The following TMEM59 variants were observed in gnomAD, a reference collection of about 807,000 sequenced individuals.
The protein encoded by TMEM59 is dendritic cell factor 1.
In TMEM59, 44 loss-of-function variants were observed where a neutral mutation model predicts 42.2. The ratio of observed to expected loss-of-function variants is 1.04; its 90% CI spans 0.82 to 1.34. TMEM59 has a LOEUF of 1.34. Ranked by LOEUF, TMEM59 falls within the 40% of genes most tolerant of loss-of-function variation. The pLI is 0.00. For missense variants in TMEM59, 359 were observed against 382.8 expected, an observed-to-expected ratio of 0.94 and a Z score of 0.52; for synonymous variants, 148 against 145.8, an observed-to-expected ratio of 1.02 and a Z score of -0.11.
In TMEM59 at chr1:54,029,901, T is replaced by C. The variant is rs1275453423; in HGVS notation, c.*2249A>G. The stretch of plus-strand genomic sequence containing the variant: ...TGCTGATGATACTCAAATGCAAACA[T>C]CAGTCTGGCTTAATTATGCTAAAAA... On this transcript the variant is annotated 3_prime_UTR_variant, in exon 8 of 8. Transcript: ENST00000234831. The C allele has an allele frequency of 6.6e-6, 1 of 152,160 alleles. No homozygotes were observed. The highest frequency in any genetic ancestry group is 1.5e-5 in the Non-Finnish European group (1 of 68,028). 9.4% of individuals were successfully genotyped at this position (152,160 alleles called of 1,614,324 possible). A position where few individuals can be genotyped will look rare whatever the true frequency, so the allele number is the denominator to read the frequency against.
chr1:54,032,076 G>A lies in TMEM59; in HGVS notation c.*74C>T. On this transcript the variant is annotated 3_prime_UTR_variant, in exon 8 of 8. Transcript: ENST00000234831. ...TGATTTCTTAAGGCCTATATCCAAT[G>A]AAACCATTTTAAAAGCTCTATGAGG... 1 of 1,405,988 alleles carries A rather than the reference G, an allele frequency of 7.1e-7. No individual in the cohort carries two copies. The highest frequency in any genetic ancestry group is 9.5e-7 in the Non-Finnish European group (1 of 1,054,056). The allele number at this position is 1,405,988 out of a possible 1,614,324, so 87.1% of individuals were successfully genotyped here. A position where few individuals can be genotyped will look rare whatever the true frequency, so the allele number is the denominator to read the frequency against.
At chr1:54,039,001 G>A (rs1185795437) in intron 6 of TMEM59, among the ~76,000 whole-genome samples, 2 of 152,086 alleles carry the variant, frequency 1.3e-5, no homozygotes, top group African/African-American at 4.8e-5. Context: ...GTGCCACCAT[G>A]TCCAGCTAAT....
In TMEM59 at chr1:54,045,393, A is replaced by C. The variant is rs186152620; in HGVS notation, c.390+299T>G. ...ATGGGAGTTGGGATGGAGAAAAAGA[A>C]CTCTGAAATAATTCCTCTGAGCCTT... On this transcript the variant is annotated intron_variant, in intron 3 of 7. Coordinates refer to ENST00000234831, the MANE Select transcript of TMEM59 (RefSeq NM_004872.5). The C allele has an allele frequency of 7.0e-5, 23 of 328,484 alleles. No individual in the cohort carries two copies. In the East Asian group the frequency reaches 8.5e-4, roughly 12 times the overall value. The allele number at this position is 328,484 out of a possible 1,614,324, so 20.3% of individuals were successfully genotyped here.
At chr1:54,039,138 G>A (rs970415796) in intron 6 of TMEM59, among the ~76,000 whole-genome samples, 3 of 152,244 alleles carry the variant, frequency 2.0e-5, no homozygotes, top group East Asian at 1.9e-4. Flanking sequence ...ATGAGCCACC[G>A]CACTCGGCCA....
chr1:54,044,508 G>GTTTTTTTTTTTTT (rs1194633123), intron 3 of TMEM59: 1 of 120,056 alleles, frequency 8.3e-6, no homozygotes, highest in Non-Finnish European at 1.7e-5. Context: ...TTTTTCATCT[G>GTTTTTTTTTTTTT]TTTTTTTTTT....
chr1:54,050,545 G>A (rs1461988388), intron 1 of TMEM59, among the ~76,000 whole-genome samples: 2 of 151,140 alleles, frequency 1.3e-5, no homozygotes, highest in Non-Finnish European at 2.9e-5. Flanking sequence ...ATAGAAATCA[G>A]TGACATAATT....
rs1170246907 is a variant in TMEM59 at position 54,029,813 on chromosome 1, CCT to C, written c.*2335_*2336del. 2.0e-5 allele frequency: 3 copies of C among 151,874 alleles called. No homozygotes were observed. Among genetic ancestry groups the C allele is most frequent in the African/African-American group, 4.8e-5 (2 of 41,338 alleles). 9.4% of individuals were successfully genotyped at this position (151,874 alleles called of 1,614,324 possible). A position where few individuals can be genotyped will look rare whatever the true frequency, so the allele number is the denominator to read the frequency against. On this transcript the variant is annotated 3_prime_UTR_variant, in exon 8 of 8. Transcript: ENST00000234831. ...TCTCAATCTTTATCACTGTACGTAC[CCT>C]GACCCTAGACTCTAGTGTAGAACAA...
chr1:54,036,240 C>G (rs373274361), intron 7 of TMEM59, among the ~76,000 whole-genome samples: 27 of 152,040 alleles, frequency 1.8e-4, no homozygotes, highest in African/African-American at 6.0e-4. Context: ...AAGATCCTGG[C>G]CACTGCACTC....
In TMEM59 at chr1:54,031,033, C is replaced by T. The variant is rs978146857; in HGVS notation, c.*1117G>A. The T allele has an allele frequency of 6.6e-6, 1 of 152,230 alleles. No individual in the cohort carries two copies. Among genetic ancestry groups the T allele is most frequent in the African/African-American group, 2.4e-5 (1 of 41,440 alleles). The allele number at this position is 152,230 out of a possible 1,614,324, so 9.4% of individuals were successfully genotyped here. ...TTGGAAGGCCTAAGTGGGTGGATCACCTGAGGTCAGGAGTTCGAGACCAGC... is the reference window on the plus strand; with the variant it reads ...TTGGAAGGCCTAAGTGGGTGGATCATCTGAGGTCAGGAGTTCGAGACCAGC... On this transcript the variant is annotated 3_prime_UTR_variant, in exon 8 of 8. Coordinates refer to ENST00000234831, the MANE Select transcript of TMEM59 (RefSeq NM_004872.5).
chr1:54,029,501 T>G lies in TMEM59; in HGVS notation c.*2649A>C, dbSNP rs1274516599. The G allele has an allele frequency of 6.6e-6, 1 of 152,098 alleles. No individual in the cohort carries two copies. The highest frequency in any genetic ancestry group is 1.5e-5 in the Non-Finnish European group (1 of 68,022). 9.4% of individuals were successfully genotyped at this position (152,098 alleles called of 1,614,324 possible). A position where few individuals can be genotyped will look rare whatever the true frequency, so the allele number is the denominator to read the frequency against. ...CTTTCTGTGTGGTAGGAAATAAGATTATGACTGTTTTATGGAAACAAGGAG... is the reference window on the plus strand; with the variant it reads ...CTTTCTGTGTGGTAGGAAATAAGATGATGACTGTTTTATGGAAACAAGGAG... On this transcript the variant is annotated 3_prime_UTR_variant, in exon 8 of 8. Coordinates refer to ENST00000234831, the MANE Select transcript of TMEM59 (RefSeq NM_004872.5).
At position 54,045,687 on chromosome 1, in the gene TMEM59, C is replaced by T. The variant is rs1165175889; in HGVS notation, c.390+5G>A. The T allele has an allele frequency of 9.9e-6, 16 of 1,613,974 alleles. No individual in the cohort carries two copies. Among genetic ancestry groups the T allele is most frequent in the East Asian group, 4.5e-5 (2 of 44,862 alleles). ...GCTAGTTTGAAAGGCAGTATTGTTT[C>T]GTACTTGTTCTTGTCTCAGTTCAGC... On this transcript the variant is annotated splice_donor_5th_base_variant and intron_variant, in intron 3 of 7. Transcript: ENST00000234831.
At chr1:54,049,039 T>C (rs953383781) in intron 1 of TMEM59, among the ~76,000 whole-genome samples, 1 of 152,202 alleles carries the variant, frequency 6.6e-6, no homozygotes, top group Non-Finnish European at 1.5e-5. Flanking sequence ...ATAAGCTCAT[T>C]AGTATGAGCT....
chr1:54,052,884 G>C (rs916080145), intron 1 of TMEM59, 116 bp downstream of exon 1: 2 of 1,164,666 alleles, frequency 1.7e-6, no homozygotes, highest in Non-Finnish European at 2.5e-6. Flanking sequence ...ACACAGATGG[G>C]AGACAGCGAT....
intron 2 of TMEM59, 47 bp from the exon 3 acceptor site, chr1:54,045,833 A>C (rs1271628167): frequency 8.6e-6 from 13 of 1,506,910 alleles, no homozygotes; most frequent in African/African-American, 1.4e-5. Context: ...AGAGAAAGGG[A>C]AAGAGGAAAG....
At chr1:54,040,722 A>G in intron 6 of TMEM59, 34 bp downstream of exon 6, 3 of 1,505,516 alleles carry the variant, frequency 2.0e-6, no homozygotes, top group Non-Finnish European at 2.7e-6. Context: ...GCCAGATTTT[A>G]TCTGTTATAC....
rs574774650 is a variant in TMEM59 at position 54,050,661 on chromosome 1, C to T, written c.189+2339G>A. ...GCAACCTCTGTCTCCCGGGTTCAGGCGCTTCTCCTGCCTCAGCCTCCTGAG... is the reference window on the plus strand; with the variant it reads ...GCAACCTCTGTCTCCCGGGTTCAGGTGCTTCTCCTGCCTCAGCCTCCTGAG... On this transcript the variant is annotated intron_variant, in intron 1 of 7. Transcript: ENST00000234831. 1.7e-3 allele frequency among the ~76,000 whole-genome samples: 261 copies of T among 151,400 alleles called. 1 individual carries two copies. The highest frequency in any genetic ancestry group is 6.8e-3 in the Middle Eastern group (2 of 294).
At position 54,047,286 on chromosome 1, in the gene TMEM59, A is replaced by T; in HGVS notation, c.276T>A (p.Thr92=). 6.2e-7 allele frequency: 1 copy of T among 1,613,680 alleles called. No individual in the cohort carries two copies. The highest frequency in any genetic ancestry group is 8.5e-7 in the Non-Finnish European group (1 of 1,179,858). Residue 92 remains threonine, a synonymous_variant, in exon 2 of 8, where the codon ACT becomes ACA. Coordinates refer to ENST00000234831, the MANE Select transcript of TMEM59 (RefSeq NM_004872.5). ...FVDDGIDLNR[T]KLECESACTE... ...TCTTACCAGATTCACATTCCAATTT[A>T]GTTCGATTTAAGTCAATTCCATCAT...
chr1:54,039,478 G>C (rs1450001495), intron 6 of TMEM59, among the ~76,000 whole-genome samples: 1 of 152,076 alleles, frequency 6.6e-6, no homozygotes, highest in East Asian at 1.9e-4. Flanking sequence ...CTCAAAACCA[G>C]GTTTAGAAAT....
In TMEM59 at chr1:54,047,427, AG is replaced by A. The variant is rs1047317078; in HGVS notation, c.190-56del. The A allele has an allele frequency of 2.2e-6, 3 of 1,388,736 alleles. No individual in the cohort carries two copies. The African/African-American group carries it at 4.3e-5, about 20-fold the overall frequency. 86.0% of individuals were successfully genotyped at this position (1,388,736 alleles called of 1,614,324 possible). ...CAAAAAATAGTATTTTTTTTTCCTC[AG>A]GGGAAAACAGGTTAGGAAGAAAGCA... On this transcript the variant is annotated intron_variant, in intron 1 of 7. Transcript: ENST00000234831.
Sources: gnomAD v4.1 joint callset for allele counts (sites outside exome capture counted in the v4.1 genomes callset) on GRCh38, gnomAD v4.1.1 for gene constraint, MANE v1.5 for transcripts, NCBI Gene and HGNC (gene_info 2026-07-23, HGNC 2026-07-21) for gene names.